The following DPH6 variants were observed in gnomAD, a reference collection of about 807,000 sequenced individuals.
The protein encoded by DPH6 is diphthine--ammonia ligase.
Under a neutral mutation model 38.2 loss-of-function variants are expected in DPH6, and 33 were observed. The ratio of observed to expected loss-of-function variants is 0.86; its 90% confidence interval spans 0.65 to 1.15. DPH6 has a LOEUF of 1.15. Ranked by LOEUF, DPH6 falls within the 50% of genes most tolerant of loss-of-function variation. The probability of loss-of-function intolerance (pLI) is 0.00; values close to 1 mark genes in which losing one functional copy is unlikely to be tolerated. For missense variants in DPH6, 325 were observed against 320.0 expected (o/e 1.02, Z -0.12); for synonymous variants, 108 against 103.0 (o/e 1.05, Z -0.30).
At chr15:35,260,385 C>A (rs1251135510) in intron 3 of DPH6, among the ~76,000 whole-genome samples, 1 of 151,906 alleles carries the variant, frequency 6.6e-6, no homozygotes, top group South Asian at 2.1e-4. Flanking sequence ...GGATTACAGG[C>A]GTGAGCCACC....
At chr15:35,426,885 T>C (rs1270203972) in intron 5 of DPH6, among the ~76,000 whole-genome samples, 2 of 150,286 alleles carry the variant, frequency 1.3e-5, no homozygotes. Flanking sequence ...AAAAACAACC[T>C]TGAAACAATT....
intron 3 of DPH6, among the ~76,000 whole-genome samples, chr15:35,467,392 C>A (rs1008391617): frequency 4.6e-5 from 7 of 152,080 alleles, no homozygotes; most frequent in African/African-American, 1.7e-4. Flanking sequence ...TGGTGAAACC[C>A]CCATCTCTAC....
At chr15:35,387,536 TC>T (rs1389802919) in intron 6 of DPH6, among the ~76,000 whole-genome samples, 1 of 152,194 alleles carries the variant, frequency 6.6e-6, no homozygotes, top group African/African-American at 2.4e-5. Flanking sequence ...AGTTTGTAGT[TC>T]TCCTTGAAGA....
intron 6 of DPH6, among the ~76,000 whole-genome samples, chr15:35,388,291 G>A (rs2053001002): frequency 6.6e-6 from 1 of 152,174 alleles, no homozygotes; most frequent in African/African-American, 2.4e-5. Flanking sequence ...AGGGATATTG[G>A]TCTAAAATTC....
At chr15:35,468,436 T>C (rs2054155184) in intron 3 of DPH6, among the ~76,000 whole-genome samples, 1 of 152,176 alleles carries the variant, frequency 6.6e-6, no homozygotes, top group Non-Finnish European at 1.5e-5. Flanking sequence ...TTCCATGTTC[T>C]TAAGCTAACT....
intron 7 of DPH6, among the ~76,000 whole-genome samples, chr15:35,374,822 AAG>A (rs1566885430): frequency 6.6e-6 from 1 of 152,100 alleles, no homozygotes; most frequent in Non-Finnish European, 1.5e-5. Context: ...CAGCAGCAGA[AAG>A]AGAAAGTACA....
chr15:35,284,547 A>G (rs2051926762), intron 3 of DPH6, among the ~76,000 whole-genome samples: 1 of 150,926 alleles, frequency 6.6e-6, no homozygotes, highest in Non-Finnish European at 1.5e-5. Flanking sequence ...AACTTCAGAA[A>G]TATTTTACAA....
chr15:35,192,423 T>C, the DPH6 span, among the ~76,000 whole-genome samples: 1 of 152,190 alleles, frequency 6.6e-6, no homozygotes, highest in Non-Finnish European at 1.5e-5. Context: ...ACTTGCCTTT[T>C]TGTAGGTGGT....
chr15:35,210,440 G>A, the DPH6 span, among the ~76,000 whole-genome samples: 150,113 of 152,300 alleles, frequency 0.99, 74,027 homozygotes, highest in Middle Eastern at 1. Flanking sequence ...CCAGTGCAAC[G>A]AAGTTGACTG....
chr15:35,496,567 A>AAAAAAAAAAATATATATATATAT, intron 3 of DPH6, among the ~76,000 whole-genome samples: 2 of 31,014 alleles, frequency 6.4e-5, no homozygotes, highest in African/African-American at 2.7e-4. Context: ...AAAAAAAAAA[A>AAAAAAAAAAATATATATATATAT]ATATATATAT....
intron 3 of DPH6, among the ~76,000 whole-genome samples, chr15:35,506,464 A>G (rs1388908987): frequency 6.6e-6 from 1 of 152,182 alleles, no homozygotes; most frequent in Non-Finnish European, 1.5e-5. Flanking sequence ...TCTGAGTGCC[A>G]GCATTTAAGT....
chr15:35,409,041 G>A (rs186145303), intron 6 of DPH6, among the ~76,000 whole-genome samples: 81 of 151,930 alleles, frequency 5.3e-4, no homozygotes, highest in African/African-American at 1.9e-3. Flanking sequence ...CGAGGGGGTG[G>A]GTTGACTGCA....
intron 5 of DPH6, among the ~76,000 whole-genome samples, chr15:35,433,403 C>T (rs2053656301): frequency 1.3e-5 from 2 of 152,072 alleles, no homozygotes; most frequent in Admixed American, 1.3e-4. Flanking sequence ...AGCAGAAAGC[C>T]AAGACTCCAG....
intron 3 of DPH6, among the ~76,000 whole-genome samples, chr15:35,251,998 G>T (rs1022032985): frequency 2.0e-5 from 3 of 152,174 alleles, no homozygotes; most frequent in African/African-American, 7.2e-5. Flanking sequence ...AATTAGCTAG[G>T]CGTGGTAGTG....
At position 35,371,392 on chromosome 15, in the gene DPH6, G is replaced by GT; in HGVS notation, c.*757dup. 1 of 192,580 alleles carries GT rather than the reference G, an allele frequency of 5.2e-6. No homozygotes were observed. The highest frequency in any genetic ancestry group is 9.5e-6 in the Non-Finnish European group (1 of 105,186). The allele number at this position is 192,580 out of a possible 1,614,324, so 11.9% of individuals were successfully genotyped here. A position where few individuals can be genotyped will look rare whatever the true frequency, so the allele number is the denominator to read the frequency against. ...ATGTGTCAATGTAGGTTCATCAGTT[G>GT]TAACAAATGTACCACTCTATTATAA... On this transcript the variant is annotated 3_prime_UTR_variant, in exon 9 of 9. Coordinates refer to ENST00000256538, the MANE Select transcript of DPH6 (RefSeq NM_080650.4).
chr15:35,344,826 T>C lies in DPH6; in HGVS notation n.208-13749A>G, dbSNP rs72703133. Among the ~76,000 whole-genome samples, 263 of 149,922 alleles carry C rather than the reference T, an allele frequency of 1.8e-3. 1 individual carries two copies. Among genetic ancestry groups the C allele is most frequent in the East Asian group, 5.0e-3 (26 of 5,182 alleles). On this transcript the variant is annotated intron_variant and non_coding_transcript_variant, in intron 3 of 3. Coordinates refer to the DPH6 transcript ENST00000558973. ...AAATATAAGCAAATACTAGTTCTTA[T>C]CTTAAACTGAATTTGAACTACCTTT... is the stretch of plus-strand genomic sequence containing the variant.
chr15:35,330,659 A>G (rs1358288242), downstream of DPH6: 2 of 152,222 alleles, frequency 1.3e-5, no homozygotes, highest in African/African-American at 2.4e-5. Context: ...ACCTGACTAT[A>G]GAAAGGAGCC....
At chr15:35,521,047 G>C in intron 3 of DPH6, 7 of 985,164 alleles carry the variant, frequency 7.1e-6, no homozygotes, top group Non-Finnish European at 7.2e-6. Context: ...ATGGTATGTA[G>C]ATTTCATTTT....
Position 35,371,650 on chromosome 15 carries a change from C to T in DPH6, c.*500G>A, listed in dbSNP as rs1352927094. On this transcript the variant is annotated 3_prime_UTR_variant, in exon 9 of 9. Transcript: ENST00000256538. ...GACATTCTTCCTAATTGTCCAATAA[C>T]GTTGAAACACTTCAACCATGAATAT... The T allele has an allele frequency of 1.6e-5, 16 of 984,878 alleles. No individual in the cohort carries two copies. Among genetic ancestry groups the T allele is most frequent in the South Asian group, 4.7e-5 (1 of 21,288 alleles). The allele number at this position is 984,878 out of a possible 1,614,324, so 61.0% of individuals were successfully genotyped here.
Sources: gnomAD v4.1 joint callset for allele counts (sites outside exome capture counted in the v4.1 genomes callset) on GRCh38, gnomAD v4.1.1 for gene constraint, MANE v1.5 for transcripts, NCBI Gene and HGNC (gene_info 2026-07-23, HGNC 2026-07-21) for gene names.